TRUB1: variants seen among roughly 807,000 people sequenced by gnomAD.
TRUB1 encodes the protein TruB pseudouridine synthase family member 1.
TRUB1 carries 23 observed loss-of-function variants against 33.9 expected under a neutral mutation model. The ratio of observed to expected loss-of-function variants is 0.68; its 90% confidence interval spans 0.49 to 0.96. The LOEUF is 0.96. Among genes scored for constraint, TRUB1 ranks in the 40% least tolerant of loss-of-function variants. The pLI is 0.00. For missense variants in TRUB1, 378 were observed against 422.2 expected (o/e 0.90, Z 0.92); for synonymous variants, 163 against 165.4 (o/e 0.99, Z 0.11).
In TRUB1 at chr10:114,972,912, A is replaced by G. The variant is rs78792546; in HGVS notation, c.736+638A>G. On this transcript the variant is annotated intron_variant, in intron 6 of 7. Coordinates refer to ENST00000298746, the MANE Select transcript of TRUB1 (RefSeq NM_139169.5). ...TTCATTTCTGTTGTTTGGAAATTTTATGATCTGGCTGCAGAAAGTTGTAAA... is the reference window on the plus strand; with the variant it reads ...TTCATTTCTGTTGTTTGGAAATTTTGTGATCTGGCTGCAGAAAGTTGTAAA... 7.3e-3 allele frequency among the ~76,000 whole-genome samples: 1,111 copies of G among 152,264 alleles called. 19 individuals carry two copies. The highest frequency in any genetic ancestry group is 0.026 in the African/African-American group (1,070 of 41,542).
intron 4 of TRUB1, 115 bp from the exon 5 acceptor site, chr10:114,970,253 G>A (rs2084329365): frequency 7.2e-6 from 5 of 692,910 alleles, no homozygotes; most frequent in African/African-American, 1.8e-5. Context: ...AACATATACT[G>A]TAATATATGC....
chr10:114,971,639 A>C (rs1308171256), intron 5 of TRUB1, among the ~76,000 whole-genome samples: 7 of 152,166 alleles, frequency 4.6e-5, no homozygotes, highest in Non-Finnish European at 7.3e-5. Context: ...TTTCTAGTAA[A>C]ATTTTATCAC....
At chr10:114,971,019 C>A (rs897711103) in intron 5 of TRUB1, among the ~76,000 whole-genome samples, 1 of 152,288 alleles carries the variant, frequency 6.6e-6, no homozygotes, top group Non-Finnish European at 1.5e-5. Flanking sequence ...ATTTATTTCT[C>A]ACCATTCTGG....
intron 6 of TRUB1, 119 bp downstream of exon 6, chr10:114,972,393 T>C: frequency 8.5e-7 from 1 of 1,176,678 alleles, no homozygotes; most frequent in Non-Finnish European, 1.2e-6. Flanking sequence ...AATTTGAATT[T>C]AAGGAAAGTT....
chr10:114,939,591 T>G (rs2143019837), intron 1 of TRUB1, among the ~76,000 whole-genome samples: 1 of 152,342 alleles, frequency 6.6e-6, no homozygotes, highest in South Asian at 2.1e-4. Flanking sequence ...ACAGTACAGA[T>G]TTAAGTGTTT....
intron 3 of TRUB1, among the ~76,000 whole-genome samples, chr10:114,954,175 GA>G (rs2084250573): frequency 6.6e-6 from 1 of 152,014 alleles, no homozygotes; most frequent in Non-Finnish European, 1.5e-5. Flanking sequence ...AGTGCAACTA[GA>G]AAAATTAGAC....
At chr10:114,941,491 C>T (rs1213313052) in intron 1 of TRUB1, among the ~76,000 whole-genome samples, 1 of 152,132 alleles carries the variant, frequency 6.6e-6, no homozygotes, top group Non-Finnish European at 1.5e-5. Context: ...GTGCACACCA[C>T]CATGCCCACC....
intron 3 of TRUB1, among the ~76,000 whole-genome samples, chr10:114,958,460 AC>A (rs1443612906): frequency 6.6e-6 from 1 of 152,210 alleles, no homozygotes; most frequent in Non-Finnish European, 1.5e-5. Context: ...CTGCATACTT[AC>A]AAGGTTTTGA....
Position 114,975,156 on chromosome 10 carries a change from C to G in TRUB1, c.827C>G (p.Thr276Ser). The G allele has an allele frequency of 6.2e-7, 1 of 1,613,294 alleles. No homozygotes were observed. The highest frequency in any genetic ancestry group is 8.5e-7 in the Non-Finnish European group (1 of 1,179,610). ...LSSCANVLEL[T>S]RTKQGPFTLE... ...TCCTGTGCCAATGTGCTAGAGCTGACCCGAACCAAACAGGGACCATTTACG... is the reference window on the plus strand; with the variant it reads ...TCCTGTGCCAATGTGCTAGAGCTGAGCCGAACCAAACAGGGACCATTTACG... Residue 276 changes from threonine to serine, a missense_variant, in exon 8 of 8, where the codon ACC (threonine) becomes AGC (serine). Coordinates refer to ENST00000298746, the MANE Select transcript of TRUB1 (RefSeq NM_139169.5).
rs547543063 is a variant in TRUB1, at chr10:114,955,064, T to C, written c.441+3915T>C. ...GTTTCTGACAATAAGAGATATTAAATGACAGATAGATGGTGATTTTCAAAA... is the reference window on the plus strand; with the variant it reads ...GTTTCTGACAATAAGAGATATTAAACGACAGATAGATGGTGATTTTCAAAA... On this transcript the variant is annotated intron_variant, in intron 3 of 7. Coordinates refer to ENST00000298746, the MANE Select transcript of TRUB1 (RefSeq NM_139169.5). Among the ~76,000 whole-genome samples the C allele has an allele frequency of 1.2e-4, 19 of 152,318 alleles. No homozygotes were observed. The South Asian group carries it at 3.7e-3, about 30-fold the overall frequency.
chr10:114,943,008 A>G (rs555098084), intron 2 of TRUB1, among the ~76,000 whole-genome samples: 136 of 152,336 alleles, frequency 8.9e-4, no homozygotes, highest in Middle Eastern at 3.4e-3. Flanking sequence ...TTAACATAGC[A>G]GGCCTGAAAT....
At chr10:114,963,338 A>G (rs889714161) in intron 4 of TRUB1, among the ~76,000 whole-genome samples, 1 of 152,236 alleles carries the variant, frequency 6.6e-6, no homozygotes, top group African/African-American at 2.4e-5. Context: ...GAGTAAGCTC[A>G]AGAGTTGAAT....
intron 4 of TRUB1, among the ~76,000 whole-genome samples, chr10:114,968,119 GAA>G (rs1232148953): frequency 6.6e-6 from 1 of 152,144 alleles, no homozygotes; most frequent in Non-Finnish European, 1.5e-5. Flanking sequence ...TATGTAGAAA[GAA>G]GAGAGAATAT....
chr10:114,976,218 T>C lies in TRUB1; in HGVS notation c.*839T>C, dbSNP rs1294516919. ...AACTTTATTCTTTAGCATTTATTTA[T>C]ATTTCTCTGTAGGGTGTTCCCTGTG... is the stretch of plus-strand genomic sequence containing the variant. On this transcript the variant is annotated 3_prime_UTR_variant, in exon 8 of 8. Coordinates refer to ENST00000298746, the MANE Select transcript of TRUB1 (RefSeq NM_139169.5). 1 of 118,900 alleles carries C rather than the reference T, an allele frequency of 8.4e-6. No individual in the cohort carries two copies. The highest frequency in any genetic ancestry group is 2.4e-4 in the South Asian group (1 of 4,150). The allele number at this position is 118,900 out of a possible 1,614,324, so 7.4% of individuals were successfully genotyped here.
chr10:114,971,179 A>G lies in TRUB1; in HGVS notation c.596+739A>G, dbSNP rs569616551. Among the ~76,000 whole-genome samples, 131 of 152,268 alleles carry G rather than the reference A, an allele frequency of 8.6e-4. 5 individuals carry two copies. In the South Asian group the frequency reaches 0.027, roughly 31 times the overall value. ...CTTTATAAGCGTACTAATTTCTTTCATGAGGGCTGCGCCCTACGACCTAAT... is the reference window on the plus strand; with the variant it reads ...CTTTATAAGCGTACTAATTTCTTTCGTGAGGGCTGCGCCCTACGACCTAAT... On this transcript the variant is annotated intron_variant, in intron 5 of 7. Transcript: ENST00000298746.
intron 4 of TRUB1, among the ~76,000 whole-genome samples, chr10:114,967,176 T>TG (rs2084312205): frequency 6.6e-6 from 1 of 152,230 alleles, no homozygotes; most frequent in Admixed American, 6.5e-5. Context: ...TTCTGATCTC[T>TG]GTTCAGTGAG....
At chr10:114,945,096 T>C (rs937542355) in intron 2 of TRUB1, among the ~76,000 whole-genome samples, 4 of 152,238 alleles carry the variant, frequency 2.6e-5, no homozygotes, top group African/African-American at 7.2e-5. Context: ...AGAGAGGTTA[T>C]TACTATCCCC....
intron 3 of TRUB1, among the ~76,000 whole-genome samples, chr10:114,953,538 AT>A (rs1440377873): frequency 6.6e-6 from 1 of 151,968 alleles, no homozygotes; most frequent in African/African-American, 2.4e-5. Flanking sequence ...GACTTTCAAA[AT>A]TTTTTTGACT....
chr10:114,975,086 A>G (rs752223685), intron 7 of TRUB1, 37 bp from the exon 8 acceptor site: 1 of 1,579,562 alleles, frequency 6.3e-7, no homozygotes, highest in Non-Finnish European at 8.6e-7. Flanking sequence ...TGAATCGTTT[A>G]TCTTCTGGAT....
Sources: gnomAD v4.1 joint callset for allele counts (sites outside exome capture counted in the v4.1 genomes callset) on GRCh38, gnomAD v4.1.1 for gene constraint, MANE v1.5 for transcripts, NCBI Gene and HGNC (gene_info 2026-07-23, HGNC 2026-07-21) for gene names.